Variants in NOS1 observed in about 807,000 individuals in gnomAD.
The protein encoded by NOS1 is NOS type I.
NOS1 carries 51 observed loss-of-function variants against 164.5 expected under a neutral mutation model. The observed-to-expected ratio is 0.31, with a 90% confidence interval of 0.25 to 0.39. NOS1 has a LOEUF of 0.39. Ranked by LOEUF, NOS1 falls within the 10% of genes least tolerant of loss-of-function variation. The pLI is 1.00. For synonymous variants in NOS1, 719 were observed against 745.8 expected (o/e 0.96, Z 0.59); for missense variants, 1,362 against 1,885.6 (o/e 0.72, Z 5.14).
At chr12:117,327,239 G>GAGGGAGCACTGAGGGAC (rs539222315) in intron 2 of NOS1, among the ~76,000 whole-genome samples, 4 of 152,180 alleles carry the variant, frequency 2.6e-5, no homozygotes, top group African/African-American at 4.8e-5. Flanking sequence ...CTTCTCAGGA[G>GAGGGAGCACTGAGGGAC]AGGGAGCACT....
rs1186189225 is a variant in NOS1, at chr12:117,213,182, C to T, written c.*2127G>A. ...AAAGCTTGACTTGGAGTGGGAAGCACTGATCAATTTGTCTTTAATGGGGAT... is the reference window on the plus strand; with the variant it reads ...AAAGCTTGACTTGGAGTGGGAAGCATTGATCAATTTGTCTTTAATGGGGAT... On this transcript the variant is annotated 3_prime_UTR_variant, in exon 29 of 29. Coordinates refer to ENST00000317775, the MANE Select transcript of NOS1 (RefSeq NM_000620.5). 1.3e-5 allele frequency: 13 copies of T among 985,314 alleles called. No individual in the cohort carries two copies. The highest frequency in any genetic ancestry group is 2.3e-4 in the East Asian group (2 of 8,818). 61.0% of individuals were successfully genotyped at this position (985,314 alleles called of 1,614,324 possible). A position where few individuals can be genotyped will look rare whatever the true frequency, so the allele number is the denominator to read the frequency against.
intron 22 of NOS1, among the ~76,000 whole-genome samples, chr12:117,230,720 A>G (rs9658498): frequency 0.47 from 70,681 of 151,916 alleles, 19,133 homozygotes; most frequent in African/African-American, 0.73. Context: ...TAGAGGCTAC[A>G]TTTGGTTCAT....
intron 21 of NOS1, 108 bp from the exon 22 acceptor site, chr12:117,232,239 G>A: frequency 1.0e-6 from 1 of 979,350 alleles, no homozygotes; most frequent in Non-Finnish European, 1.5e-6. Flanking sequence ...GAGGAGGGTG[G>A]CTCCAGAGCC....
At chr12:117,304,331 G>A (rs1245028654) in intron 3 of NOS1, among the ~76,000 whole-genome samples, 1 of 152,080 alleles carries the variant, frequency 6.6e-6, no homozygotes. Context: ...TTTCTTTTAG[G>A]CAAACTTCTA....
intron 25 of NOS1, among the ~76,000 whole-genome samples, chr12:117,223,082 G>A (rs1278413525): frequency 6.6e-6 from 1 of 152,108 alleles, no homozygotes; most frequent in Non-Finnish European, 1.5e-5. Flanking sequence ...TGCACGCACT[G>A]AGGAAGGAGG....
chr12:117,290,910 G>T (rs1025361437), intron 3 of NOS1, among the ~76,000 whole-genome samples: 9 of 152,120 alleles, frequency 5.9e-5, no homozygotes, highest in Non-Finnish European at 8.8e-5. Flanking sequence ...AAAACAGAAA[G>T]ATTTAAATTG....
intron 11 of NOS1, among the ~76,000 whole-genome samples, chr12:117,266,396 A>C (rs974765380): frequency 6.6e-6 from 1 of 152,170 alleles, no homozygotes; most frequent in Non-Finnish European, 1.5e-5. Flanking sequence ...ACTTAGAATA[A>C]TAGTCTCCAT....
At chr12:117,231,940 T>C (rs1369622647) in intron 22 of NOS1, 22 bp downstream of exon 22, 1 of 1,604,154 alleles carries the variant, frequency 6.2e-7, no homozygotes, top group African/African-American at 1.3e-5. Flanking sequence ...CCCCTAGGGT[T>C]GTGCGAAGCC....
chr12:117,233,095 A>AATGGTGTG (rs758705948), intron 21 of NOS1, among the ~76,000 whole-genome samples: 24 of 137,192 alleles, frequency 1.7e-4, no homozygotes, highest in Non-Finnish European at 3.5e-4. Context: ...GCTGGAGTGC[A>AATGGTGTG]ATGGTGTGAT....
intron 20 of NOS1, among the ~76,000 whole-genome samples, chr12:117,241,294 G>GT (rs779889446): frequency 6.6e-6 from 1 of 151,870 alleles, no homozygotes; most frequent in Non-Finnish European, 1.5e-5. Flanking sequence ...TGAATGGAAT[G>GT]TTTTTCACTT....
At chr12:117,269,767 C>T (rs1353985040) in intron 10 of NOS1, among the ~76,000 whole-genome samples, 1 of 152,148 alleles carries the variant, frequency 6.6e-6, no homozygotes, top group Admixed American at 6.5e-5. Context: ...CACCCGGCCT[C>T]TGGAGCATTT....
chr12:117,222,166 C>A (rs1956717510), intron 26 of NOS1, among the ~76,000 whole-genome samples: 1 of 152,144 alleles, frequency 6.6e-6, no homozygotes, highest in African/African-American at 2.4e-5. Context: ...CCCTGGCAAC[C>A]ACTAATCTAC....
intron 25 of NOS1, 45 bp downstream of exon 25, chr12:117,224,971 C>T (rs1246217893): frequency 1.2e-6 from 2 of 1,612,884 alleles, no homozygotes; most frequent in African/African-American, 1.3e-5. Flanking sequence ...TGGACCTCCC[C>T]AGGTCCGGGG....
chr12:117,277,324 C>T lies in NOS1; in HGVS notation c.1664+635G>A, dbSNP rs187557452. On this transcript the variant is annotated intron_variant, in intron 9 of 28. Coordinates refer to ENST00000317775, the MANE Select transcript of NOS1 (RefSeq NM_000620.5). ...TGTGGGTCAGGTACAGTGGCTCATG[C>T]CTGTAATGCCAGCACTTTGGGAGGC... Among the ~76,000 whole-genome samples, 44 of 152,112 alleles carry T rather than the reference C, an allele frequency of 2.9e-4. No individual in the cohort carries two copies. In the East Asian group the frequency reaches 6.3e-3, roughly 22 times the overall value.
At chr12:117,223,000 T>C (rs564521890) in intron 25 of NOS1, 137 bp from the exon 26 acceptor site, 11 of 939,380 alleles carry the variant, frequency 1.2e-5, no homozygotes, top group African/African-American at 3.3e-5. Flanking sequence ...GACAGGCAGA[T>C]GTATGCGTGC....
At chr12:117,349,935 G>A (rs1876539660) in intron 1 of NOS1, among the ~76,000 whole-genome samples, 1 of 151,864 alleles carries the variant, frequency 6.6e-6, no homozygotes, top group African/African-American at 2.4e-5. Flanking sequence ...ACATTGCTTA[G>A]GCTGGTCTTG....
At chr12:117,228,036 A>G (rs927984244) in intron 22 of NOS1, among the ~76,000 whole-genome samples, 1 of 151,894 alleles carries the variant, frequency 6.6e-6, no homozygotes, top group Non-Finnish European at 1.5e-5. Context: ...GTTGACAGAT[A>G]GAAAGAAAGA....
chr12:117,208,305 G>A lies in NOS1; in HGVS notation c.*7004C>T. 1.6e-6 allele frequency: 2 copies of A among 1,289,118 alleles called. No homozygotes were observed. The highest frequency in any genetic ancestry group is 1.2e-5 in the South Asian group (1 of 81,012). 79.9% of individuals were successfully genotyped at this position (1,289,118 alleles called of 1,614,324 possible). ...CGTGGGGTGGGCGTCAGTCCTTCAAGGAAGGTGCTGGAGCACAGGGACACT... is the reference window on the plus strand; with the variant it reads ...CGTGGGGTGGGCGTCAGTCCTTCAAAGAAGGTGCTGGAGCACAGGGACACT... On this transcript the variant is annotated 3_prime_UTR_variant, in exon 29 of 29. Coordinates refer to ENST00000317775, the MANE Select transcript of NOS1 (RefSeq NM_000620.5).
At chr12:117,295,541 T>C (rs897120914) in intron 3 of NOS1, among the ~76,000 whole-genome samples, 8 of 151,958 alleles carry the variant, frequency 5.3e-5, no homozygotes, top group Admixed American at 2.0e-4. Context: ...ATGTAAAGGG[T>C]TGAATTCCAG....
Sources: allele counts gnomAD v4.1 joint callset (sites outside exome capture counted in the v4.1 genomes callset), GRCh38; gene constraint gnomAD v4.1.1; transcripts MANE v1.5; gene names NCBI Gene and HGNC (gene_info 2026-07-23, HGNC 2026-07-21).